The following SGCZ variants were observed in gnomAD, a reference collection of about 807,000 sequenced individuals.
SGCZ encodes the protein zeta-sarcoglycan.
In SGCZ, 40 loss-of-function variants were observed where a neutral mutation model predicts 41.3. That is an observed-to-expected ratio of 0.97 (90% CI 0.75 to 1.26). The LOEUF (loss-of-function observed/expected upper bound fraction) is 1.26, where lower values mean the gene tolerates loss of function less well. SGCZ is among the 50% of genes most tolerant of loss of function. The pLI is 0.00. For synonymous variants in SGCZ, 206 were observed against 137.5 expected (o/e 1.50, Z -3.49); for missense variants, 552 against 369.8 (o/e 1.49, Z -4.04).
intron 5 of SGCZ, among the ~76,000 whole-genome samples, chr8:14,109,166 T>C (rs1275807557): frequency 6.6e-6 from 1 of 152,218 alleles, no homozygotes; most frequent in East Asian, 1.9e-4. Flanking sequence ...CTGCTTTAAA[T>C]TCTGGTGTTA....
chr8:15,184,098 A>T (rs1354213570), intron 1 of SGCZ, among the ~76,000 whole-genome samples: 1 of 152,202 alleles, frequency 6.6e-6, no homozygotes, highest in Non-Finnish European at 1.5e-5. Context: ...CATTCCAATT[A>T]CACATTTTCT....
intron 1 of SGCZ, among the ~76,000 whole-genome samples, chr8:14,918,300 A>G (rs1799496926): frequency 6.6e-6 from 1 of 152,136 alleles, no homozygotes; most frequent in Non-Finnish European, 1.5e-5. Context: ...AGTTCTCAGA[A>G]CTAGGTCCAT....
At chr8:14,096,846 T>C (rs1801861710) in intron 7 of SGCZ, among the ~76,000 whole-genome samples, 1 of 152,204 alleles carries the variant, frequency 6.6e-6, no homozygotes, top group Admixed American at 6.5e-5. Context: ...GGTGTATGTG[T>C]CCAGGAATTT....
chr8:14,975,809 A>ATATATATATGTG (rs1181919961), intron 1 of SGCZ, among the ~76,000 whole-genome samples: 2 of 131,898 alleles, frequency 1.5e-5, no homozygotes, highest in East Asian at 2.1e-4. Context: ...ATATATATAT[A>ATATATATATGTG]TGTGTGTGTG....
intron 2 of SGCZ, among the ~76,000 whole-genome samples, chr8:14,515,922 C>G (rs1802606784): frequency 6.6e-6 from 1 of 151,964 alleles, no homozygotes; most frequent in Non-Finnish European, 1.5e-5. Context: ...TTTTACTTTT[C>G]AATTTGCTCC....
chr8:15,226,644 G>T (rs896353244), intron 1 of SGCZ, among the ~76,000 whole-genome samples: 4 of 152,120 alleles, frequency 2.6e-5, no homozygotes, highest in African/African-American at 7.2e-5. Flanking sequence ...AAAATGACTT[G>T]TGAAACTTTA....
intron 1 of SGCZ, among the ~76,000 whole-genome samples, chr8:14,983,670 A>C (rs1409267061): frequency 1.3e-5 from 2 of 152,064 alleles, no homozygotes; most frequent in Non-Finnish European, 2.9e-5. Flanking sequence ...AAATATCCAC[A>C]ATATTCCTTT....
intron 1 of SGCZ, among the ~76,000 whole-genome samples, chr8:15,183,345 AAATGT>A (rs1435763540): frequency 2.6e-5 from 4 of 151,522 alleles, no homozygotes; most frequent in Non-Finnish European, 5.9e-5. Context: ...AACACATGAG[AAATGT>A]ATTGTAATAC....
chr8:14,638,054 C>T (rs1806892263), intron 1 of SGCZ, among the ~76,000 whole-genome samples: 1 of 151,814 alleles, frequency 6.6e-6, no homozygotes. Flanking sequence ...ATTTGTATTT[C>T]TCTGACGATC....
At chr8:14,438,106 G>A (rs919431337) in intron 2 of SGCZ, among the ~76,000 whole-genome samples, 11 of 149,566 alleles carry the variant, frequency 7.4e-5, no homozygotes, top group African/African-American at 1.9e-4. Flanking sequence ...TAGAGCCAAC[G>A]CTGAATAATA....
chr8:14,100,213 A>G (rs1039109997), intron 7 of SGCZ, among the ~76,000 whole-genome samples: 2 of 151,936 alleles, frequency 1.3e-5, no homozygotes, highest in Admixed American at 6.6e-5. Flanking sequence ...ACCTGTGGCT[A>G]TGATTTATTT....
At chr8:15,001,953 G>T (rs73519094) in intron 1 of SGCZ, among the ~76,000 whole-genome samples, 3,949 of 152,056 alleles carry the variant, frequency 0.026, 200 homozygotes, top group African/African-American at 0.09. Flanking sequence ...AGCTTTTGAG[G>T]GTTGAATAAA....
At chr8:14,976,785 G>A (rs1382397651) in intron 1 of SGCZ, among the ~76,000 whole-genome samples, 1 of 152,162 alleles carries the variant, frequency 6.6e-6, no homozygotes, top group Non-Finnish European at 1.5e-5. Flanking sequence ...TACAATTCAT[G>A]AATTACAGAA....
At chr8:14,717,123 AACT>A (rs1331346778) in intron 1 of SGCZ, among the ~76,000 whole-genome samples, 15 of 152,104 alleles carry the variant, frequency 9.9e-5, no homozygotes, top group Non-Finnish European at 2.1e-4. Context: ...GTAAAAAAGG[AACT>A]ACGACAATTA....
At chr8:14,905,586 T>C (rs147895152) in intron 1 of SGCZ, among the ~76,000 whole-genome samples, 1 of 152,040 alleles carries the variant, frequency 6.6e-6, no homozygotes, top group African/African-American at 2.4e-5. Flanking sequence ...CAGAGAAAAA[T>C]CTCTGCCCAC....
intron 1 of SGCZ, among the ~76,000 whole-genome samples, chr8:14,925,878 A>G (rs1233231307): frequency 1.3e-5 from 2 of 152,146 alleles, no homozygotes; most frequent in South Asian, 2.1e-4. Flanking sequence ...AAAAAAATGC[A>G]TAAAAGGAAG....
intron 1 of SGCZ, among the ~76,000 whole-genome samples, chr8:14,933,305 C>G (rs1373597489): frequency 2.0e-5 from 3 of 151,808 alleles, no homozygotes; most frequent in African/African-American, 7.3e-5. Flanking sequence ...TTCATGCAGA[C>G]AGAGAAAGAG....
At chr8:14,299,234 G>A (rs1231506236) in intron 3 of SGCZ, among the ~76,000 whole-genome samples, 1 of 151,814 alleles carries the variant, frequency 6.6e-6, no homozygotes, top group South Asian at 2.1e-4. Flanking sequence ...GAGAGAACAC[G>A]GTAGAAAATA....
At chr8:14,612,453 A>C (rs2117343615) in intron 1 of SGCZ, among the ~76,000 whole-genome samples, 1 of 152,294 alleles carries the variant, frequency 6.6e-6, no homozygotes, top group South Asian at 2.1e-4. Flanking sequence ...GAGTCAATTA[A>C]GTTTCTTCCC....
Sources: allele counts gnomAD v4.1 joint callset (sites outside exome capture counted in the v4.1 genomes callset), GRCh38; gene constraint gnomAD v4.1.1; transcripts MANE v1.5; gene names NCBI Gene and HGNC (gene_info 2026-07-23, HGNC 2026-07-21).